NFILZ: variants seen among roughly 807,000 people sequenced by gnomAD.
NFILZ encodes NFIL3 like basic leucine zipper.
At position 8,680,020 on chromosome 19, in the gene NFILZ, G is replaced by A. The variant is rs112287818; in HGVS notation, c.*2385G>A. Among the ~76,000 whole-genome samples, 3,885 of 151,602 alleles carry A rather than the reference G, an allele frequency of 0.026. 172 individuals are homozygous for A. The highest frequency in any genetic ancestry group is 0.088 in the African/African-American group (3,652 of 41,288). On this transcript the variant is annotated 3_prime_UTR_variant, in exon 6 of 6. Coordinates refer to ENST00000691075, the MANE Select transcript of NFILZ (RefSeq NM_001378600.1). ...AGACCAGCCTGGCCAACATGATGAA[G>A]CCCCGTCTCTAGTAAAAATACAAAA...
intron 3 of NFILZ, among the ~76,000 whole-genome samples, chr19:8,658,972 G>A (rs2043017352): frequency 6.6e-6 from 1 of 151,180 alleles, no homozygotes; most frequent in Non-Finnish European, 1.5e-5. Flanking sequence ...AAGGCTGGTT[G>A]CCGTGGCTCA....
At chr19:8,631,832 G>GTA (rs1568416032) in intron 1 of NFILZ, among the ~76,000 whole-genome samples, 2 of 40,120 alleles carry the variant, frequency 5.0e-5, no homozygotes, top group Admixed American at 6.8e-4. Flanking sequence ...CCTCGCTTTT[G>GTA]TGTGTGTGTG....
intron 3 of NFILZ, among the ~76,000 whole-genome samples, chr19:8,659,464 T>C (rs1600149371): frequency 6.6e-6 from 1 of 151,442 alleles, no homozygotes. Flanking sequence ...GAGCTGCAGG[T>C]GCCGAGGCCC....
At chr19:8,663,934 G>A (rs1400551982) in intron 3 of NFILZ, among the ~76,000 whole-genome samples, 1 of 152,028 alleles carries the variant, frequency 6.6e-6, no homozygotes, top group Non-Finnish European at 1.5e-5. Context: ...GTGCCTCTGA[G>A]CTTCCTTCCT....
In NFILZ at chr19:8,656,445, C is replaced by CCTCCCT. The variant is rs1568421649; in HGVS notation, c.-163-18106_-163-18105insCTCCCT. On this transcript the variant is annotated intron_variant, in intron 3 of 5. Coordinates refer to ENST00000691075, the MANE Select transcript of NFILZ (RefSeq NM_001378600.1). The stretch of plus-strand genomic sequence containing the variant: ...CTCTTTCCGCAGCCCACCTTCTCCT[C>CCTCCCT]GAAGCCCACCTTCTCTCTGAAGCCC... Among the ~76,000 whole-genome samples the CCTCCCT allele has an allele frequency of 1.6e-4, 3 of 18,870 alleles. 1 individual carries two copies. The highest frequency in any genetic ancestry group is 3.5e-4 in the African/African-American group (3 of 8,530). 12.4% of individuals were successfully genotyped at this position (18,870 alleles called of 152,430 possible).
intron 3 of NFILZ, among the ~76,000 whole-genome samples, chr19:8,645,387 G>A (rs1173337498): frequency 6.7e-6 from 1 of 149,210 alleles, no homozygotes; most frequent in Non-Finnish European, 1.5e-5. Context: ...TAATCCTCCT[G>A]CCTAGGCCTC....
At position 8,677,774 on chromosome 19, in the gene NFILZ, G is replaced by T. The variant is rs917953715; in HGVS notation, c.*139G>T. On this transcript the variant is annotated 3_prime_UTR_variant, in exon 6 of 6. Coordinates refer to ENST00000691075, the MANE Select transcript of NFILZ (RefSeq NM_001378600.1). The stretch of plus-strand genomic sequence containing the variant: ...AAGTAGGGGTGCCCTGGCTTGGAAG[G>T]TCCACTTCACAGCTTCCATACCAGA... Among the ~76,000 whole-genome samples, 1 of 152,044 alleles carries T rather than the reference G, an allele frequency of 6.6e-6. No individual in the cohort carries two copies. The highest frequency in any genetic ancestry group is 1.5e-5 in the Non-Finnish European group (1 of 67,976).
intron 3 of NFILZ, among the ~76,000 whole-genome samples, chr19:8,663,030 C>A (rs1555749315): frequency 6.6e-6 from 1 of 151,498 alleles, no homozygotes; most frequent in Non-Finnish European, 1.5e-5. Flanking sequence ...AGACTGCAAC[C>A]TTGACCTCCT....
chr19:8,633,775 G>C (rs1007518211), intron 2 of NFILZ, among the ~76,000 whole-genome samples: 2 of 152,190 alleles, frequency 1.3e-5, no homozygotes, highest in Non-Finnish European at 2.9e-5. Context: ...TGGGGAGGGA[G>C]AGACAGATGT....
chr19:8,671,046 G>A (rs1435938030), intron 3 of NFILZ, among the ~76,000 whole-genome samples: 3 of 151,470 alleles, frequency 2.0e-5, no homozygotes, highest in East Asian at 3.9e-4. Flanking sequence ...GAACACATGA[G>A]CAGGCCACAT....
rs529108446 is a variant in NFILZ at position 8,669,701 on chromosome 19, C to G, written c.-163-4850C>G. ...TTAGGAAGGGTTTGGGTACTGGATC[C>G]CATTGTACCTGGATTCTGGCTGTGC... On this transcript the variant is annotated intron_variant, in intron 3 of 5. Coordinates refer to ENST00000691075, the MANE Select transcript of NFILZ (RefSeq NM_001378600.1). 1.0e-3 allele frequency among the ~76,000 whole-genome samples: 157 copies of G among 152,242 alleles called. 1 individual carries two copies. The highest frequency in any genetic ancestry group is 3.6e-3 in the African/African-American group (150 of 41,518).
At chr19:8,656,351 C>CT (rs2042996735) in intron 3 of NFILZ, among the ~76,000 whole-genome samples, 1 of 33,780 alleles carries the variant, frequency 3.0e-5, no homozygotes, top group South Asian at 8.8e-4. Context: ...AAGCCCACCT[C>CT]TTCCCTGAAG....
chr19:8,679,134 C>A lies in NFILZ; in HGVS notation c.*1499C>A, dbSNP rs1161185804. On this transcript the variant is annotated 3_prime_UTR_variant, in exon 6 of 6. Transcript: ENST00000691075. ...CAGTGTCCTCTCTCTCCCTGGCTGC[C>A]CCCTGCCCCTGAGAACCAGGTATAC... 1.3e-5 allele frequency among the ~76,000 whole-genome samples: 2 copies of A among 150,436 alleles called. No homozygotes were observed. Among genetic ancestry groups the A allele is most frequent in the Non-Finnish European group, 3.0e-5 (2 of 67,772 alleles).
chr19:8,675,265 C>T (rs886876357), intron 4 of NFILZ, among the ~76,000 whole-genome samples: 2 of 152,162 alleles, frequency 1.3e-5, no homozygotes, highest in Non-Finnish European at 2.9e-5. Context: ...AGGCTCCTTC[C>T]GCCTTGCTGT....
chr19:8,655,233 T>A (rs1555748203), intron 3 of NFILZ, among the ~76,000 whole-genome samples: 1 of 152,148 alleles, frequency 6.6e-6, no homozygotes, highest in African/African-American at 2.4e-5. Flanking sequence ...GAGAGTGTCC[T>A]CAGATGTAAG....
In NFILZ at chr19:8,660,018, G is replaced by A. The variant is rs538864216; in HGVS notation, c.-163-14533G>A. 1.6e-4 allele frequency among the ~76,000 whole-genome samples: 24 copies of A among 152,266 alleles called. 1 individual carries two copies. Among genetic ancestry groups the A allele is most frequent in the Admixed American group, 1.6e-3 (24 of 15,298 alleles). ...GGGCCTCATGAGCACCCAGTCCTGA[G>A]CTACAACACCGGCCACTGCCCTGTG... On this transcript the variant is annotated intron_variant, in intron 3 of 5. Coordinates refer to ENST00000691075, the MANE Select transcript of NFILZ (RefSeq NM_001378600.1).
At chr19:8,631,155 C>A (rs1198274172) in intron 1 of NFILZ, among the ~76,000 whole-genome samples, 1 of 152,138 alleles carries the variant, frequency 6.6e-6, no homozygotes, top group East Asian at 1.9e-4. Context: ...GGAATCATTG[C>A]TTTAACTCAA....
At chr19:8,654,846 G>T (rs1451438061) in intron 3 of NFILZ, among the ~76,000 whole-genome samples, 1 of 152,014 alleles carries the variant, frequency 6.6e-6, no homozygotes, top group Non-Finnish European at 1.5e-5. Context: ...AATCTGCAGC[G>T]TGGCTCGGCC....
chr19:8,660,849 A>G (rs1262778566), intron 3 of NFILZ, among the ~76,000 whole-genome samples: 4 of 150,994 alleles, frequency 2.6e-5, no homozygotes, highest in African/African-American at 7.3e-5. Flanking sequence ...CATGTTGGCC[A>G]GGCTGGTCTT....
Sources: allele counts gnomAD v4.1 joint callset (sites outside exome capture counted in the v4.1 genomes callset), GRCh38; gene constraint gnomAD v4.1.1; transcripts MANE v1.5; gene names NCBI Gene and HGNC (gene_info 2026-07-23, HGNC 2026-07-21).